Variants in SLC12A6 observed in about 807,000 individuals in gnomAD.
The protein encoded by SLC12A6 is solute carrier family 12 member 6.
Under a neutral mutation model 135.3 loss-of-function variants are expected in SLC12A6, and 66 were observed. The ratio of observed to expected loss-of-function variants is 0.49; its 90% CI spans 0.40 to 0.60. The LOEUF is 0.60. Among genes scored for constraint, SLC12A6 ranks in the 20% least tolerant of loss-of-function variants. SLC12A6 has a pLI of 0.00. For synonymous variants in SLC12A6, 513 were observed against 508.8 expected, an observed-to-expected ratio of 1.01 and a Z score of -0.11; for missense variants, 1,058 against 1,452.3, an observed-to-expected ratio of 0.73 and a Z score of 4.41.
At chr15:34,269,195 T>C (rs185375915) in intron 3 of SLC12A6, among the ~76,000 whole-genome samples, 1,667 of 151,720 alleles carry the variant, frequency 0.011, 39 homozygotes, top group African/African-American at 0.038. Flanking sequence ...ACTATCTAAA[T>C]AATGCTGACA....
chr15:34,305,437 TA>T (rs1193175611), intron 2 of SLC12A6, among the ~76,000 whole-genome samples: 3 of 151,884 alleles, frequency 2.0e-5, no homozygotes, highest in Non-Finnish European at 4.4e-5. Context: ...ATATTTATTT[TA>T]CTTGATCTTC....
At chr15:34,322,892 C>T (rs981080278) in intron 2 of SLC12A6, among the ~76,000 whole-genome samples, 8 of 144,388 alleles carry the variant, frequency 5.5e-5, no homozygotes, top group African/African-American at 1.8e-4. Context: ...GCAGGAGAAT[C>T]GCTTGAACCC....
chr15:34,290,806 T>C (rs1278011216), intron 2 of SLC12A6, among the ~76,000 whole-genome samples: 1 of 152,130 alleles, frequency 6.6e-6, no homozygotes, highest in East Asian at 1.9e-4. Context: ...CTTTATTTAT[T>C]TATTTATTTT....
rs576386079 is a variant in SLC12A6 at position 34,308,401 on chromosome 15, G to A, written c.271+28009C>T. 1.8e-4 allele frequency among the ~76,000 whole-genome samples: 27 copies of A among 152,218 alleles called. No homozygotes were observed. In the South Asian group the frequency reaches 4.4e-3, roughly 25 times the overall value. On this transcript the variant is annotated intron_variant, in intron 2 of 25. Transcript: ENST00000354181. ...GCACTTTGGGAGACTGAGGTGGGTG[G>A]ATCACTTGAGGTCAGGAGTTTAAGA...
chr15:34,305,456 A>G (rs1896542150), intron 2 of SLC12A6, among the ~76,000 whole-genome samples: 1 of 151,256 alleles, frequency 6.6e-6, no homozygotes, highest in Non-Finnish European at 1.5e-5. Flanking sequence ...TTCCAGGTCA[A>G]TAATTGTTCA....
rs1315911610 is a variant in SLC12A6, at chr15:34,232,884, G to A, written c.*997C>T. 7.1e-6 allele frequency: 1 copy of A among 140,288 alleles called. No homozygotes were observed. Among genetic ancestry groups the A allele is most frequent in the Non-Finnish European group, 1.5e-5 (1 of 65,740 alleles). The allele number at this position is 140,288 out of a possible 1,614,324, so 8.7% of individuals were successfully genotyped here. On this transcript the variant is annotated 3_prime_UTR_variant, in exon 26 of 26. Transcript: ENST00000354181. Reference sequence around the variant, plus strand: ...AGATGGTCCAGTGCTTTCAGGGAAGGATGTTTAGCCAGTTTTCCTAGTATT... The same window carrying A: ...AGATGGTCCAGTGCTTTCAGGGAAGAATGTTTAGCCAGTTTTCCTAGTATT...
chr15:34,275,916 G>A (rs755284648), intron 2 of SLC12A6, among the ~76,000 whole-genome samples: 1 of 152,146 alleles, frequency 6.6e-6, no homozygotes, highest in African/African-American at 2.4e-5. Flanking sequence ...CAAATTTATG[G>A]AGATGGAAAG....
intron 17 of SLC12A6, 108 bp from the exon 18 acceptor site, chr15:34,241,445 G>C (rs987799138): frequency 1.5e-6 from 1 of 682,804 alleles, no homozygotes; most frequent in Non-Finnish European, 2.6e-6. Context: ...CAAGGTAGAA[G>C]ATTAAAGCTC....
intron 2 of SLC12A6, among the ~76,000 whole-genome samples, chr15:34,293,492 C>T (rs938031096): frequency 5.9e-5 from 9 of 152,304 alleles, no homozygotes; most frequent in South Asian, 2.1e-4. Context: ...TTAGTAGAGA[C>T]GGGGTTTTGC....
At chr15:34,272,369 A>G (rs1257156908) in intron 3 of SLC12A6, among the ~76,000 whole-genome samples, 1 of 152,224 alleles carries the variant, frequency 6.6e-6, no homozygotes, top group Non-Finnish European at 1.5e-5. Flanking sequence ...TTGCAAACTC[A>G]TGAATTTCTT....
chr15:34,294,906 C>A (rs561247750), intron 2 of SLC12A6, among the ~76,000 whole-genome samples: 1 of 152,122 alleles, frequency 6.6e-6, no homozygotes, highest in African/African-American at 2.4e-5. Context: ...CTTTTATAGA[C>A]ACAACTCTAC....
chr15:34,254,415 C>A lies in SLC12A6; in HGVS notation c.1051G>T (p.Val351Phe), dbSNP rs1268474476. 1 of 1,613,484 alleles carries A rather than the reference C, an allele frequency of 6.2e-7. No homozygotes were observed. The highest frequency in any genetic ancestry group is 2.2e-5 in the East Asian group (1 of 44,880). The change falls in exon 9 of 26, where the codon GTC (valine) becomes TTC (phenylalanine). Residue 351 changes from valine (V) to phenylalanine (F), a missense_variant. Coordinates refer to ENST00000354181, the MANE Select transcript of SLC12A6 (RefSeq NM_001365088.1). ...NKFASLFLACVIVSILAIYAG... is the reference protein window; with the variant it reads ...NKFASLFLACFIVSILAIYAG... Reference sequence around the variant, plus strand: ...TAGATGGCCAAGATGGACACAATGACACAGGCCAGGAAAAGTGAGGCAAAC... The same window carrying A: ...TAGATGGCCAAGATGGACACAATGAAACAGGCCAGGAAAAGTGAGGCAAAC...
intron 4 of SLC12A6, 38 bp from the exon 5 acceptor site, chr15:34,258,982 G>A: frequency 6.5e-7 from 1 of 1,531,040 alleles, no homozygotes; most frequent in Non-Finnish European, 9.1e-7. Flanking sequence ...GAGCTACAAA[G>A]AACACTGAAC....
At chr15:34,245,450 C>T (rs752968309) in intron 14 of SLC12A6, 47 bp from the exon 15 acceptor site, 3 of 1,122,276 alleles carry the variant, frequency 2.7e-6, no homozygotes, top group Non-Finnish European at 2.7e-6. Context: ...TGAGTCATTG[C>T]TCTCTGATTT....
At chr15:34,263,076 T>A (rs1893263649) in intron 3 of SLC12A6, among the ~76,000 whole-genome samples, 1 of 152,046 alleles carries the variant, frequency 6.6e-6, no homozygotes, top group African/African-American at 2.4e-5. Flanking sequence ...TCATGCAATA[T>A]ACACATGTAA....
At chr15:34,337,981 G>C (rs535380516), upstream of SLC12A6, 6 of 151,934 alleles carry the variant, frequency 3.9e-5, no homozygotes, top group Admixed American at 3.9e-4. Flanking sequence ...GAAGCCCGGG[G>C]GTGCAGTGAG....
chr15:34,276,031 A>G (rs1208060372), intron 2 of SLC12A6, among the ~76,000 whole-genome samples: 1 of 152,178 alleles, frequency 6.6e-6, no homozygotes, highest in East Asian at 1.9e-4. Flanking sequence ...GGAAACAGAT[A>G]GTGGTAATGG....
chr15:34,254,930 A>G (rs1892646159), intron 8 of SLC12A6, among the ~76,000 whole-genome samples: 1 of 152,212 alleles, frequency 6.6e-6, no homozygotes, highest in Non-Finnish European at 1.5e-5. Context: ...ATAGTAAACA[A>G]TATGTCTCAG....
intron 2 of SLC12A6, among the ~76,000 whole-genome samples, chr15:34,331,460 G>A (rs1434695638): frequency 6.6e-6 from 1 of 152,144 alleles, no homozygotes; most frequent in African/African-American, 2.4e-5. Context: ...TTTTTGAAAA[G>A]CTCTCTAGAT....
Sources: allele counts gnomAD v4.1 joint callset (sites outside exome capture counted in the v4.1 genomes callset), GRCh38; gene constraint gnomAD v4.1.1; transcripts MANE v1.5; gene names NCBI Gene and HGNC (gene_info 2026-07-23, HGNC 2026-07-21).